Variants in UBE2S observed in about 807,000 individuals in gnomAD.
The protein encoded by UBE2S is ubiquitin-conjugating enzyme E2 S.
A neutral mutation model predicts 12.3 loss-of-function variants in UBE2S; 3 were observed. That is an observed-to-expected ratio of 0.24 (90% CI 0.11 to 0.63). The LOEUF (loss-of-function observed/expected upper bound fraction) is 0.63, where lower values mean the gene tolerates loss of function less well. Among genes scored for constraint, UBE2S ranks in the 30% least tolerant of loss-of-function variants. The pLI, the probability that UBE2S is intolerant of heterozygous loss-of-function variation, is 0.85. For missense variants in UBE2S, 211 were observed against 313.9 expected (o/e 0.67, Z 2.48); for synonymous variants, 133 against 142.0 (o/e 0.94, Z 0.45).
intron 2 of UBE2S, among the ~76,000 whole-genome samples, chr19:55,405,211 CAAAAA>C (rs71181761): frequency 4.2e-5 from 4 of 95,218 alleles, no homozygotes; most frequent in African/African-American, 1.7e-4. Context: ...ACTCTGTTTC[CAAAAA>C]AAAAAAAAAA....
chr19:55,403,521 A>G (rs1195397027), intron 3 of UBE2S, among the ~76,000 whole-genome samples: 3 of 148,746 alleles, frequency 2.0e-5, no homozygotes, highest in Non-Finnish European at 4.6e-5. Context: ...GAAAGGGAAG[A>G]AAGAAAAAGG....
chr19:55,400,073 G>A lies in UBE2S; in HGVS notation c.*1363C>T, dbSNP rs1304245276. ...AAGGAAGGGTCAGACCCCTTTCAGA[G>A]GCTGAGCCGTTTCAACCTCAGCTGT... is the stretch of plus-strand genomic sequence containing the variant. On this transcript the variant is annotated 3_prime_UTR_variant, in exon 4 of 4. Coordinates refer to ENST00000264552, the MANE Select transcript of UBE2S (RefSeq NM_014501.3). 6.6e-6 allele frequency: 1 copy of A among 152,200 alleles called. No homozygotes were observed. The highest frequency in any genetic ancestry group is 2.4e-5 in the African/African-American group (1 of 41,450). The allele number at this position is 152,200 out of a possible 1,614,324, so 9.4% of individuals were successfully genotyped here.
In UBE2S at chr19:55,401,558, C is replaced by T. The variant is rs755484248; in HGVS notation, c.547G>A (p.Gly183Arg). ...GCCCCTCCCGGGCCCCCTGGGGCCC[C>T]AGGGTCGGTGGAGGAAGCTTCAGTG... ...SGTEASSTDP[G>R]APGGPGGAEG... Residue 183 changes from glycine (G) to arginine (R), a missense_variant, in exon 4 of 4, where the codon GGG (glycine) becomes AGG (arginine). By Grantham distance (125) the Gly-to-Arg change is moderately radical. This residue lies in a region of UBE2S where 84 missense variants were observed against 89.9 expected (regional missense o/e 0.93). Transcript: ENST00000264552. 6.2e-7 allele frequency: 1 copy of T among 1,610,460 alleles called. No homozygotes were observed. The highest frequency in any genetic ancestry group is 1.1e-5 in the South Asian group (1 of 90,970).
Position 55,404,555 on chromosome 19 carries a change from C to T in UBE2S, c.152-77G>A, listed in dbSNP as rs1301018812. 3.7e-6 allele frequency: 5 copies of T among 1,355,844 alleles called. No homozygotes were observed. Among genetic ancestry groups the T allele is most frequent in the African/African-American group, 1.5e-5 (1 of 68,402 alleles). The allele number at this position is 1,355,844 out of a possible 1,614,324, so 84.0% of individuals were successfully genotyped here. A position where few individuals can be genotyped will look rare whatever the true frequency, so the allele number is the denominator to read the frequency against. On this transcript the variant is annotated intron_variant, in intron 2 of 3. Coordinates refer to ENST00000264552, the MANE Select transcript of UBE2S (RefSeq NM_014501.3). The surrounding 1 kb of genome is among the most constrained non-coding windows in gnomAD (Gnocchi z 4.4). Reference sequence around the variant, plus strand: ...CCTCAACACCCCAAAGTCCAGTCTCCACGGTCTGATTGTGATGCAGGTGGG... The same window carrying T: ...CCTCAACACCCCAAAGTCCAGTCTCTACGGTCTGATTGTGATGCAGGTGGG...
chr19:55,405,442 G>A (rs2090090856), intron 2 of UBE2S, among the ~76,000 whole-genome samples: 1 of 152,132 alleles, frequency 6.6e-6, no homozygotes, highest in Non-Finnish European at 1.5e-5. Flanking sequence ...CCAGGAGGCA[G>A]AGGTTGCAGT....
chr19:55,406,881 C>G lies in UBE2S; in HGVS notation c.85G>C (p.Asp29His). The change falls in exon 2 of 4, where the codon GAT becomes CAT. Residue 29 changes from aspartate to histidine, a missense_variant. Asp to His is a moderately conservative substitution (Grantham distance 81, BLOSUM62 -1). Transcript: ENST00000264552. ...TCGTTGGGAAAGACCTTGATGCCAT[C>G]GGGTGGGTCTGCGGTCAGTGTCGTC... ...EVTTLTADPP[D>H]GIKVFPNEED... 1 of 1,614,000 alleles carries G rather than the reference C, an allele frequency of 6.2e-7. No individual in the cohort carries two copies. Among genetic ancestry groups the G allele is most frequent in the Non-Finnish European group, 8.5e-7 (1 of 1,179,960 alleles).
At chr19:55,403,160 T>C in intron 3 of UBE2S, 1 of 710,444 alleles carries the variant, frequency 1.4e-6, no homozygotes, top group South Asian at 1.5e-5. Flanking sequence ...TGACAATGCA[T>C]AATACCCCTT....
chr19:55,402,832 C>T (rs1416608540), intron 3 of UBE2S: 2 of 889,452 alleles, frequency 2.2e-6, no homozygotes, highest in Non-Finnish European at 3.4e-6. Context: ...GTCTGTTTAC[C>T]TTGGAGCTCA....
In UBE2S at chr19:55,404,532, T is replaced by G; in HGVS notation, c.152-54A>C. 1 of 1,492,060 alleles carries G rather than the reference T, an allele frequency of 6.7e-7. No individual in the cohort carries two copies. The highest frequency in any genetic ancestry group is 9.0e-7 in the Non-Finnish European group (1 of 1,107,792). The allele number at this position is 1,492,060 out of a possible 1,614,324, so 92.4% of individuals were successfully genotyped here. On this transcript the variant is annotated intron_variant, in intron 2 of 3. Transcript: ENST00000264552. The surrounding 1 kb of genome is among the most constrained non-coding windows in gnomAD (Gnocchi z 4.4). ...GGGCACTCAGGAGTCCCAAGGCACC[T>G]CAACACCCCAAAGTCCAGTCTCCAC...
Position 55,404,561 on chromosome 19 carries a change from C to G in UBE2S, c.152-83G>C, listed in dbSNP as rs2090084379. 7.6e-7 allele frequency: 1 copy of G among 1,310,236 alleles called. No individual in the cohort carries two copies. The highest frequency in any genetic ancestry group is 1.5e-5 in the African/African-American group (1 of 67,322). 81.2% of individuals were successfully genotyped at this position (1,310,236 alleles called of 1,614,324 possible). On this transcript the variant is annotated intron_variant, in intron 2 of 3. Coordinates refer to ENST00000264552, the MANE Select transcript of UBE2S (RefSeq NM_014501.3). This position sits in a 1 kb window ranked among gnomAD's most constrained non-coding sequence, Gnocchi z 4.4. Reference sequence around the variant, plus strand: ...CACCCCAAAGTCCAGTCTCCACGGTCTGATTGTGATGCAGGTGGGTGCCCC... The same window carrying G: ...CACCCCAAAGTCCAGTCTCCACGGTGTGATTGTGATGCAGGTGGGTGCCCC...
In UBE2S at chr19:55,406,115, C is replaced by T. The variant is rs563459029; in HGVS notation, c.151+700G>A. On this transcript the variant is annotated intron_variant, in intron 2 of 3. Coordinates refer to ENST00000264552, the MANE Select transcript of UBE2S (RefSeq NM_014501.3). ...ACTTTCTTCATGTGTTTTTACCAAG[C>T]GCCCAGCTCCACCTGCCCAAGGGCC... 2.0e-5 allele frequency among the ~76,000 whole-genome samples: 3 copies of T among 152,308 alleles called. No individual in the cohort carries two copies. The South Asian group carries it at 6.2e-4, about 32-fold the overall frequency.
intron 1 of UBE2S, 25 bp downstream of exon 1, chr19:55,407,562 C>A: frequency 6.6e-7 from 1 of 1,511,984 alleles, no homozygotes. Flanking sequence ...CGACCACCTT[C>A]ATGGGCCTCA....
At chr19:55,406,000 C>T (rs1479142300) in intron 2 of UBE2S, among the ~76,000 whole-genome samples, 4 of 152,212 alleles carry the variant, frequency 2.6e-5, no homozygotes, top group Non-Finnish European at 4.4e-5. Flanking sequence ...GGATTTGTCA[C>T]ACCCCTGCTT....
intron 3 of UBE2S, chr19:55,402,880 C>A: frequency 7.2e-7 from 1 of 1,387,442 alleles, no homozygotes; most frequent in Admixed American, 2.3e-5. Flanking sequence ...CCCAATTCCC[C>A]ACCCTCTCTG....
rs1395975605 is a variant in UBE2S at position 55,401,720 on chromosome 19, G to A, written c.385C>T (p.Leu129Phe). The A allele has an allele frequency of 1.9e-6, 3 of 1,613,464 alleles. No individual in the cohort carries two copies. In the South Asian group the frequency reaches 3.3e-5, roughly 18 times the overall value. The change falls in exon 4 of 4, where the codon CTC becomes TTC. Residue 129 changes from leucine to phenylalanine, a missense_variant. Physicochemically the swap from Leu to Phe is conservative, Grantham distance 22. Around this residue, in one of 2 missense-constraint regions of UBE2S, gnomAD observed 127 missense variants for 224.0 expected, o/e 0.57. Transcript: ENST00000264552. ...AGCAGGCGGCCCGCCTCCTCGTTGAGTGCAGACTCGGGGTTAGGGTGGATC... is the reference window on the plus strand; with the variant it reads ...AGCAGGCGGCCCGCCTCCTCGTTGAATGCAGACTCGGGGTTAGGGTGGATC... ...LLIHPNPESA[L>F]NEEAGRLLLE...
Position 55,404,112 on chromosome 19 carries a change from G to T in UBE2S, c.342+176C>A. 1 of 764,706 alleles carries T rather than the reference G, an allele frequency of 1.3e-6. No homozygotes were observed. The highest frequency in any genetic ancestry group is 2.1e-6 in the Non-Finnish European group (1 of 478,216). The allele number at this position is 764,706 out of a possible 1,614,324, so 47.4% of individuals were successfully genotyped here. A position where few individuals can be genotyped will look rare whatever the true frequency, so the allele number is the denominator to read the frequency against. ...GGGCACTTCTCAACAGTACTTGGGT[G>T]TCCTGGGTCTGGCACTGTTTGTCTT... is the stretch of plus-strand genomic sequence containing the variant. On this transcript the variant is annotated intron_variant, in intron 3 of 3. Coordinates refer to ENST00000264552, the MANE Select transcript of UBE2S (RefSeq NM_014501.3). This position sits in a 1 kb window ranked among gnomAD's most constrained non-coding sequence, Gnocchi z 4.4.
Position 55,407,597 on chromosome 19 carries a change from G to C in UBE2S, c.-8C>G. 4 of 1,422,738 alleles carry C rather than the reference G, an allele frequency of 2.8e-6. No individual in the cohort carries two copies. The highest frequency in any genetic ancestry group is 1.8e-6 in the Non-Finnish European group (2 of 1,090,136). The allele number at this position is 1,422,738 out of a possible 1,614,324, so 88.1% of individuals were successfully genotyped here. A position where few individuals can be genotyped will look rare whatever the true frequency, so the allele number is the denominator to read the frequency against. The stretch of plus-strand genomic sequence containing the variant: ...ATCGCCCGTGCTCACCATGGCTGCG[G>C]CCGGCCGGGGGCGGGTCCCCCCGGC... On this transcript the variant is annotated 5_prime_UTR_variant, in exon 1 of 4. Coordinates refer to ENST00000264552, the MANE Select transcript of UBE2S (RefSeq NM_014501.3).
intron 2 of UBE2S, among the ~76,000 whole-genome samples, chr19:55,405,876 C>T (rs2090093631): frequency 6.6e-6 from 1 of 152,156 alleles, no homozygotes; most frequent in African/African-American, 2.4e-5. Flanking sequence ...CACCGGCCTG[C>T]TAGGTCCTCC....
chr19:55,407,344 C>T (rs992023530), intron 1 of UBE2S, among the ~76,000 whole-genome samples: 1 of 152,158 alleles, frequency 6.6e-6, no homozygotes, highest in Non-Finnish European at 1.5e-5. Context: ...GCGGGGCGTC[C>T]TTGCTCCTGG....
Sources: allele counts gnomAD v4.1 joint callset (sites outside exome capture counted in the v4.1 genomes callset), GRCh38; gene constraint gnomAD v4.1.1; regional missense constraint gnomAD v4.1.1; non-coding constraint Gnocchi (gnomAD v3.1); transcripts MANE v1.5; gene names NCBI Gene and HGNC (gene_info 2026-07-23, HGNC 2026-07-21).